Variants in CAMK2B observed in about 807,000 individuals in gnomAD.
CAMK2B encodes calcium/calmodulin-dependent protein kinase type II subunit beta.
CAMK2B carries 27 observed loss-of-function variants against 93.7 expected under a neutral mutation model. That is an observed-to-expected ratio of 0.29 (90% CI 0.21 to 0.40). The LOEUF (loss-of-function observed/expected upper bound fraction) is 0.40. Among genes scored for constraint, CAMK2B ranks in the 10% least tolerant of loss-of-function variants. CAMK2B has a pLI of 1.00. For synonymous variants in CAMK2B, 374 were observed against 358.8 expected (o/e 1.04, Z -0.48); for missense variants, 568 against 895.8 (o/e 0.63, Z 4.67).
chr7:44,271,816 G>A lies in CAMK2B; in HGVS notation c.161-8752C>T, dbSNP rs1053324013. 6.6e-6 allele frequency among the ~76,000 whole-genome samples: 1 copy of A among 152,234 alleles called. No homozygotes were observed. The highest frequency in any genetic ancestry group is 1.5e-5 in the Non-Finnish European group (1 of 68,038). On this transcript the variant is annotated intron_variant, in intron 2 of 23. Coordinates refer to ENST00000395749, the MANE Select transcript of CAMK2B (RefSeq NM_001220.5). The surrounding 1 kb of genome is among the most constrained non-coding windows in gnomAD (Gnocchi z 4.2). ...TGCAGGCCGGTTTAGGGGCTGAAAG[G>A]AGGCCATGGGCAGGTCCCGGCCATT... is the stretch of plus-strand genomic sequence containing the variant.
rs920526756 is a variant in CAMK2B at position 44,225,991 on chromosome 7, C to T, written c.1597+525G>A. On this transcript the variant is annotated intron_variant, in intron 20 of 23. Coordinates refer to ENST00000395749, the MANE Select transcript of CAMK2B (RefSeq NM_001220.5). This position sits in a 1 kb window ranked among gnomAD's most constrained non-coding sequence, Gnocchi z 5.0. ...GCTGCCCAGCCTGTGCTTCCTGTCCCGCCCGCTCTGTTTCAGCCTGGCCCC... is the reference window on the plus strand; with the variant it reads ...GCTGCCCAGCCTGTGCTTCCTGTCCTGCCCGCTCTGTTTCAGCCTGGCCCC... 2.5e-5 allele frequency: 29 copies of T among 1,139,384 alleles called. No homozygotes were observed. Among genetic ancestry groups the T allele is most frequent in the Admixed American group, 1.3e-4 (5 of 38,010 alleles). 70.6% of individuals were successfully genotyped at this position (1,139,384 alleles called of 1,614,324 possible).
intron 2 of CAMK2B, among the ~76,000 whole-genome samples, chr7:44,274,825 G>A (rs1286647123): frequency 6.6e-6 from 1 of 152,164 alleles, no homozygotes; most frequent in Non-Finnish European, 1.5e-5. Flanking sequence ...ACAGGCTGTG[G>A]GTTCAGCCAT....
rs569567521 is a variant in CAMK2B, at chr7:44,241,221, G to A, written c.904-472C>T. ...GAGGGACTGCCAGTGTGCGGTCACCGGAGCCAGCCCTGACCAAAGCAGGCA... is the reference window on the plus strand; with the variant it reads ...GAGGGACTGCCAGTGTGCGGTCACCAGAGCCAGCCCTGACCAAAGCAGGCA... On this transcript the variant is annotated intron_variant, in intron 11 of 23. Transcript: ENST00000395749. Among the ~76,000 whole-genome samples the A allele has an allele frequency of 7.2e-4, 110 of 152,296 alleles. No individual in the cohort carries two copies. The South Asian group carries it at 0.022, about 30-fold the overall frequency.
At chr7:44,250,559 T>C in intron 5 of CAMK2B, among the ~76,000 whole-genome samples, 1 of 143,490 alleles carries the variant, frequency 7.0e-6, no homozygotes. Context: ...AGATGGAGTC[T>C]CGCTCTGTCA....
chr7:44,284,822 G>A (rs1445007935), intron 1 of CAMK2B, among the ~76,000 whole-genome samples: 1 of 152,248 alleles, frequency 6.6e-6, no homozygotes, highest in African/African-American at 2.4e-5. Context: ...AGCTGGAGGA[G>A]AGGGTCCTGA....
At chr7:44,293,000 G>GAA (rs1256757714) in intron 1 of CAMK2B, among the ~76,000 whole-genome samples, 1 of 152,184 alleles carries the variant, frequency 6.6e-6, no homozygotes, top group Non-Finnish European at 1.5e-5. Context: ...CTCAGAACGA[G>GAA]AAAACCCAGC....
At chr7:44,227,725 CAGAGGGGTATATGGGGG>C (rs1345881065) in intron 19 of CAMK2B, among the ~76,000 whole-genome samples, 4 of 17,532 alleles carry the variant, frequency 2.3e-4, no homozygotes, top group East Asian at 3.3e-3. Flanking sequence ...GTGTGGGGGA[CAGAGGGGTATATGGGGG>C]ACAGAGGAGG....
chr7:44,294,834 C>CG (rs1787860418), intron 1 of CAMK2B, among the ~76,000 whole-genome samples: 3 of 152,192 alleles, frequency 2.0e-5, no homozygotes, highest in Non-Finnish European at 4.4e-5. Context: ...GCACCCACCC[C>CG]TCCCAACAAA....
chr7:44,220,665 C>T lies in CAMK2B; in HGVS notation c.1719G>A (p.Leu573=), dbSNP rs1490663976. ...AGTCCATCCCTTCAACCAGGTTGCC[C>T]AGTGCTTCAGGCTCAAACGAGGTCA... The part of the protein sequence containing the change: ...PGLTSFEPEA[L]GNLVEGMDFH... Residue 573 remains leucine (L), a synonymous_variant, in exon 22 of 24, where the codon CTG becomes CTA. Transcript: ENST00000395749. 1 of 1,613,616 alleles carries T rather than the reference C, an allele frequency of 6.2e-7. No homozygotes were observed. Among genetic ancestry groups the T allele is most frequent in the Non-Finnish European group, 8.5e-7 (1 of 1,179,966 alleles).
At chr7:44,291,877 C>T (rs961504055) in intron 1 of CAMK2B, among the ~76,000 whole-genome samples, 7 of 152,202 alleles carry the variant, frequency 4.6e-5, no homozygotes, top group Admixed American at 2.0e-4. Flanking sequence ...GCTCATACAA[C>T]CCTAGAGAGA....
Position 44,254,601 on chromosome 7 carries a change from A to C in CAMK2B, c.282T>G (p.Thr94=). The change falls in exon 5 of 24, where the codon ACT becomes ACG. Residue 94 remains threonine (T), a synonymous_variant. Transcript: ENST00000395749. The part of the protein sequence containing the change: ...GFHYLVFDLV[T]GGELFEDIVA... The stretch of plus-strand genomic sequence containing the variant: ...CAATGTCTTCAAAGAGCTCCCCACC[A>C]GTGACCCTATGGGAGAAGCATGAAG... 1 of 1,611,208 alleles carries C rather than the reference A, an allele frequency of 6.2e-7. No homozygotes were observed. Among genetic ancestry groups the C allele is most frequent in the Non-Finnish European group, 8.5e-7 (1 of 1,178,654 alleles).
chr7:44,286,738 G>A lies in CAMK2B; in HGVS notation c.66-2513C>T, dbSNP rs1167594293. Among the ~76,000 whole-genome samples the A allele has an allele frequency of 3.3e-5, 5 of 152,328 alleles. No individual in the cohort carries two copies. The highest frequency in any genetic ancestry group is 7.4e-5 in the Non-Finnish European group (5 of 68,020). On this transcript the variant is annotated intron_variant, in intron 1 of 23. Transcript: ENST00000395749. The surrounding 1 kb of genome is among the most constrained non-coding windows in gnomAD (Gnocchi z 4.0). Reference sequence around the variant, plus strand: ...CGCCCCTGCACCATCAGCCTAGGTCGGAGCAGTCAGCAATCGGGGAAGGCG... The same window carrying A: ...CGCCCCTGCACCATCAGCCTAGGTCAGAGCAGTCAGCAATCGGGGAAGGCG...
Position 44,225,989 on chromosome 7 carries a change from C to G in CAMK2B, c.1597+527G>C. On this transcript the variant is annotated intron_variant, in intron 20 of 23. Transcript: ENST00000395749. This position sits in a 1 kb window ranked among gnomAD's most constrained non-coding sequence, Gnocchi z 5.0. ...AGGCTGCCCAGCCTGTGCTTCCTGT[C>G]CCGCCCGCTCTGTTTCAGCCTGGCC... The G allele has an allele frequency of 8.7e-7, 1 of 1,143,240 alleles. No homozygotes were observed. Among genetic ancestry groups the G allele is most frequent in the Non-Finnish European group, 1.1e-6 (1 of 878,286 alleles). 70.8% of individuals were successfully genotyped at this position (1,143,240 alleles called of 1,614,324 possible). A position where few individuals can be genotyped will look rare whatever the true frequency, so the allele number is the denominator to read the frequency against.
In CAMK2B at chr7:44,243,545, G is replaced by A. The variant is rs370895888; in HGVS notation, c.415-18C>T. On this transcript the variant is annotated intron_variant, in intron 6 of 23. Transcript: ENST00000395749. ...TTCTCCGGCTGCAGGGAGGTGACCG[G>A]CACAAGGGTGCATGTTGTTTAAACC... 49 of 1,600,696 alleles carry A rather than the reference G, an allele frequency of 3.1e-5. No homozygotes were observed. Among genetic ancestry groups the A allele is most frequent in the Non-Finnish European group, 3.9e-5 (46 of 1,168,450 alleles).
intron 1 of CAMK2B, among the ~76,000 whole-genome samples, chr7:44,314,446 C>T (rs986870721): frequency 1.2e-4 from 18 of 152,332 alleles, no homozygotes; most frequent in Non-Finnish European, 2.1e-4. Context: ...CAGCATGTGT[C>T]GGTGCTTATT....
At chr7:44,253,518 A>G (rs2096800497) in intron 5 of CAMK2B, among the ~76,000 whole-genome samples, 1 of 152,220 alleles carries the variant, frequency 6.6e-6, no homozygotes, top group South Asian at 2.1e-4. Context: ...CGGCCTAAAA[A>G]GAGTTTTTAA....
In CAMK2B at chr7:44,217,631, C is replaced by T. The variant is rs2128847180; in HGVS notation, c.*1894G>A. The T allele has an allele frequency of 6.6e-6, 1 of 152,426 alleles. No homozygotes were observed. The highest frequency in any genetic ancestry group is 2.1e-4 in the South Asian group (1 of 4,826). The allele number at this position is 152,426 out of a possible 1,614,324, so 9.4% of individuals were successfully genotyped here. On this transcript the variant is annotated 3_prime_UTR_variant, in exon 24 of 24. Coordinates refer to ENST00000395749, the MANE Select transcript of CAMK2B (RefSeq NM_001220.5). ...TGGATGGGGACAGCTGTCCTGGGCA[C>T]AGCGTGGACGGAAGATGGTGTCCAC...
rs2096717455 is a variant in CAMK2B, at chr7:44,245,073, A to G, written c.415-1546T>C. 7.1e-6 allele frequency: 3 copies of G among 421,760 alleles called. No homozygotes were observed. The Admixed American group carries it at 7.8e-5, about 11-fold the overall frequency. The allele number at this position is 421,760 out of a possible 1,614,324, so 26.1% of individuals were successfully genotyped here. ...GGGGCTGCATTTCTCCACCCAGCCC[A>G]GAGCAGACTTGCTGCATGTCCCCCC... On this transcript the variant is annotated intron_variant, in intron 6 of 23. Coordinates refer to ENST00000395749, the MANE Select transcript of CAMK2B (RefSeq NM_001220.5).
chr7:44,314,098 G>A (rs57945788), intron 1 of CAMK2B, among the ~76,000 whole-genome samples: 68 of 152,086 alleles, frequency 4.5e-4, no homozygotes, highest in African/African-American at 1.6e-3. Flanking sequence ...TTCTGAGTAG[G>A]TTTTATTTCT....
Sources: allele counts gnomAD v4.1 joint callset (sites outside exome capture counted in the v4.1 genomes callset), GRCh38; gene constraint gnomAD v4.1.1; non-coding constraint Gnocchi (gnomAD v3.1); transcripts MANE v1.5; gene names NCBI Gene and HGNC (gene_info 2026-07-23, HGNC 2026-07-21).